The following ZNRF2 variants were observed in gnomAD, a reference collection of about 807,000 sequenced individuals.
ZNRF2 encodes zinc and ring finger 2.
A neutral mutation model predicts 20.4 loss-of-function variants in ZNRF2; 16 were observed. The ratio of observed to expected loss-of-function variants is 0.79; its 90% CI spans 0.53 to 1.19. The LOEUF (loss-of-function observed/expected upper bound fraction) is 1.19, where lower values mean the gene tolerates loss of function less well. ZNRF2 is among the 50% of genes most tolerant of loss of function. ZNRF2 has a pLI of 0.00. For synonymous variants in ZNRF2, 178 were observed against 144.9 expected, an observed-to-expected ratio of 1.23 and a Z score of -1.64; for missense variants, 363 against 332.4, an observed-to-expected ratio of 1.09 and a Z score of -0.72.
intron 2 of ZNRF2, among the ~76,000 whole-genome samples, chr7:30,342,802 G>GT (rs916656821): frequency 4.6e-5 from 7 of 151,646 alleles, no homozygotes; most frequent in Non-Finnish European, 4.4e-5. Flanking sequence ...ATAAGTAGTG[G>GT]TTTTTTTTAG....
At chr7:30,306,987 G>A (rs1210756510) in intron 1 of ZNRF2, among the ~76,000 whole-genome samples, 1 of 151,996 alleles carries the variant, frequency 6.6e-6, no homozygotes, top group African/African-American at 2.4e-5. Context: ...AGTATTGATT[G>A]GGTTTTCCCT....
At chr7:30,355,651 CAGTT>C (rs1800025124) in intron 2 of ZNRF2, 73 bp from the exon 3 acceptor site, 2 of 1,160,438 alleles carry the variant, frequency 1.7e-6, no homozygotes, top group Admixed American at 4.0e-5. Context: ...AACTTTTTAT[CAGTT>C]AGCATTCACG....
intron 1 of ZNRF2, among the ~76,000 whole-genome samples, chr7:30,306,041 C>T (rs1799198904): frequency 6.6e-6 from 1 of 152,152 alleles, no homozygotes; most frequent in South Asian, 2.1e-4. Flanking sequence ...CTAAGCCGCT[C>T]TTTCCTCAAT....
intron 4 of ZNRF2, among the ~76,000 whole-genome samples, chr7:30,364,926 GCT>G (rs1243566159): frequency 6.6e-6 from 1 of 152,040 alleles, no homozygotes; most frequent in Non-Finnish European, 1.5e-5. Context: ...TCTGATGAGG[GCT>G]CATTGCTCAT....
chr7:30,316,288 C>CAAAAAAAAAAA (rs60218988), intron 1 of ZNRF2, among the ~76,000 whole-genome samples: 16 of 27,500 alleles, frequency 5.8e-4, no homozygotes, highest in African/African-American at 8.2e-4. Flanking sequence ...AACTCCATCT[C>CAAAAAAAAAAA]AAAAAAAAAA....
chr7:30,340,850 G>A (rs1296095791), intron 2 of ZNRF2, among the ~76,000 whole-genome samples: 1 of 152,106 alleles, frequency 6.6e-6, no homozygotes, highest in African/African-American at 2.4e-5. Flanking sequence ...GGTAGAGTTT[G>A]GCTGTAAATC....
At chr7:30,355,974 C>G (rs1369282511) in intron 3 of ZNRF2, 141 bp downstream of exon 3, 2 of 575,732 alleles carry the variant, frequency 3.5e-6, no homozygotes, top group East Asian at 6.0e-5. Flanking sequence ...GATCTTTTTT[C>G]TCTATTTGAA....
At chr7:30,301,493 A>C (rs550598217) in intron 1 of ZNRF2, among the ~76,000 whole-genome samples, 6 of 152,056 alleles carry the variant, frequency 3.9e-5, no homozygotes, top group Non-Finnish European at 8.8e-5. Flanking sequence ...AAAATAGATA[A>C]ATAAATAAAA....
At chr7:30,287,577 A>G (rs1300571151) in intron 1 of ZNRF2, among the ~76,000 whole-genome samples, 1 of 152,204 alleles carries the variant, frequency 6.6e-6, no homozygotes, top group Non-Finnish European at 1.5e-5. Context: ...TGCTATTCCT[A>G]GTAAGTAAAA....
At position 30,356,597 on chromosome 7, in the gene ZNRF2, A is replaced by G. The variant is rs939601758; in HGVS notation, c.671+764A>G. On this transcript the variant is annotated intron_variant, in intron 3 of 4. Transcript: ENST00000323037. The stretch of plus-strand genomic sequence containing the variant: ...TATCCAGGCAAATATTAACTAAAAG[A>G]AACTACAAAGCTAAACTAGTATTAG... 3.3e-5 allele frequency among the ~76,000 whole-genome samples: 5 copies of G among 152,142 alleles called. No individual in the cohort carries two copies. In the East Asian group the frequency reaches 9.6e-4, roughly 29 times the overall value.
At chr7:30,347,797 A>G (rs1054485333) in intron 2 of ZNRF2, among the ~76,000 whole-genome samples, 3 of 152,186 alleles carry the variant, frequency 2.0e-5, no homozygotes, top group African/African-American at 7.2e-5. Context: ...GAGGTTTCAG[A>G]TGAATCTAGA....
At chr7:30,357,403 C>T (rs764672572) in intron 3 of ZNRF2, among the ~76,000 whole-genome samples, 5 of 152,040 alleles carry the variant, frequency 3.3e-5, no homozygotes, top group Non-Finnish European at 7.4e-5. Context: ...AAAAAATCAT[C>T]ATGGAATGAA....
At chr7:30,342,929 T>G (rs1799819182) in intron 2 of ZNRF2, among the ~76,000 whole-genome samples, 1 of 152,194 alleles carries the variant, frequency 6.6e-6, no homozygotes, top group African/African-American at 2.4e-5. Context: ...TTCCTAGTTT[T>G]GCCGCATTGT....
At position 30,359,441 on chromosome 7, in the gene ZNRF2, A is replaced by G. The variant is rs150347871; in HGVS notation, c.672-2936A>G. ...TGACTTTCTGTAATGCAGTGAACTC[A>G]TTGCATTTGGTAAATGGGAGAGTGA... On this transcript the variant is annotated intron_variant, in intron 3 of 4. Coordinates refer to ENST00000323037, the MANE Select transcript of ZNRF2 (RefSeq NM_147128.4). 3.9e-5 allele frequency among the ~76,000 whole-genome samples: 6 copies of G among 152,340 alleles called. No homozygotes were observed. The East Asian group carries it at 9.6e-4, about 24-fold the overall frequency.
intron 2 of ZNRF2, among the ~76,000 whole-genome samples, chr7:30,330,825 A>G (rs934568873): frequency 1.8e-4 from 27 of 151,982 alleles, no homozygotes; most frequent in African/African-American, 5.6e-4. Flanking sequence ...AAGAAAGTCT[A>G]AGTTATCGCT....
chr7:30,361,894 T>G (rs1800132518), intron 3 of ZNRF2, among the ~76,000 whole-genome samples: 1 of 152,208 alleles, frequency 6.6e-6, no homozygotes, highest in Non-Finnish European at 1.5e-5. Context: ...TATTTGTGTA[T>G]GTATATGTAT....
chr7:30,364,279 T>C (rs1800175938), intron 4 of ZNRF2, among the ~76,000 whole-genome samples: 1 of 152,172 alleles, frequency 6.6e-6, no homozygotes, highest in African/African-American at 2.4e-5. Context: ...GCATGTGAAA[T>C]GTGGAAGCCT....
intron 2 of ZNRF2, among the ~76,000 whole-genome samples, chr7:30,346,170 A>ATTTTTTTTTTTTTTTTTTTTTTT (rs70980598): frequency 4.2e-5 from 1 of 23,704 alleles, no homozygotes; most frequent in Non-Finnish European, 9.8e-5. Flanking sequence ...GTTAAGTCTG[A>ATTTTTTTTTTTTTTTTTTTTTTT]TTTTTTTTTT....
chr7:30,301,036 AAT>A (rs1799105528), intron 1 of ZNRF2, among the ~76,000 whole-genome samples: 3 of 152,214 alleles, frequency 2.0e-5, no homozygotes, highest in Admixed American at 6.5e-5. Flanking sequence ...TACTGTCTTA[AAT>A]AAGGACTCTG....
Sources: gnomAD v4.1 joint callset for allele counts (sites outside exome capture counted in the v4.1 genomes callset) on GRCh38, gnomAD v4.1.1 for gene constraint, MANE v1.5 for transcripts, NCBI Gene and HGNC (gene_info 2026-07-23, HGNC 2026-07-21) for gene names.